The following SEMA5A variants were observed in gnomAD, a reference collection of about 807,000 sequenced individuals.
SEMA5A encodes the protein semaphorin 5A.
In SEMA5A, 55 loss-of-function variants were observed where a neutral mutation model predicts 135.5. That is an observed-to-expected ratio of 0.41 (90% CI 0.33 to 0.51). SEMA5A has a LOEUF of 0.51. Among genes scored for constraint, SEMA5A ranks in the 20% least tolerant of loss-of-function variants. SEMA5A has a pLI of 0.37. For missense variants in SEMA5A, 1,290 were observed against 1,419.9 expected (o/e 0.91, Z 1.47); for synonymous variants, 580 against 546.5 (o/e 1.06, Z -0.85).
At chr5:9,230,954 T>G (rs42495) in intron 6 of SEMA5A, among the ~76,000 whole-genome samples, 22,057 of 152,154 alleles carry the variant, frequency 0.14, 1,606 homozygotes, top group Middle Eastern at 0.27. Flanking sequence ...CCGTTCTTAC[T>G]CCCTTAAAGG....
chr5:9,473,537 C>G (rs1305371314), intron 1 of SEMA5A, among the ~76,000 whole-genome samples: 1 of 151,808 alleles, frequency 6.6e-6, no homozygotes, highest in Non-Finnish European at 1.5e-5. Context: ...AGATTTTACC[C>G]CAAAATTCAG....
chr5:9,251,382 G>A (rs771596767), intron 5 of SEMA5A, among the ~76,000 whole-genome samples: 2 of 152,184 alleles, frequency 1.3e-5, no homozygotes, highest in Admixed American at 6.5e-5. Context: ...CAACCTAGAA[G>A]AGGGAGGGCA....
At chr5:9,127,218 CA>C (rs1741164245) in intron 13 of SEMA5A, among the ~76,000 whole-genome samples, 1 of 152,170 alleles carries the variant, frequency 6.6e-6, no homozygotes, top group Non-Finnish European at 1.5e-5. Flanking sequence ...TCTAATTCTG[CA>C]AAGGCTGTTC....
chr5:9,475,047 T>A (rs1442622020), intron 1 of SEMA5A, among the ~76,000 whole-genome samples: 1 of 152,214 alleles, frequency 6.6e-6, no homozygotes, highest in Non-Finnish European at 1.5e-5. Context: ...GTTCAAGTGA[T>A]TGTCCTGCCT....
In SEMA5A at chr5:9,154,667, T is replaced by A. The variant is rs1384881700; in HGVS notation, c.1302A>T (p.Val434=). The A allele has an allele frequency of 6.2e-7, 1 of 1,613,996 alleles. No homozygotes were observed. The highest frequency in any genetic ancestry group is 8.5e-7 in the Non-Finnish European group (1 of 1,180,006). The part of the protein sequence containing the change: ...TDYGTIKKVR[V]PLNQTSSSCL... ...AGCTGCTTGAGGTCTGATTCAGGGGTACCCGCACTTTCTTAATGGTTCCGT... is the reference window on the plus strand; with the variant it reads ...AGCTGCTTGAGGTCTGATTCAGGGGAACCCGCACTTTCTTAATGGTTCCGT... Residue 434 remains valine (V), a synonymous_variant, in exon 12 of 23, where the codon GTA becomes GTT. Transcript: ENST00000382496.
At chr5:9,512,777 C>T (rs1736279529) in intron 1 of SEMA5A, among the ~76,000 whole-genome samples, 1 of 152,092 alleles carries the variant, frequency 6.6e-6, no homozygotes, top group South Asian at 2.1e-4. Flanking sequence ...CCACTGACAA[C>T]CAAATCCTTT....
chr5:9,190,788 A>G (rs1233137390), intron 10 of SEMA5A, among the ~76,000 whole-genome samples: 7 of 152,194 alleles, frequency 4.6e-5, no homozygotes, highest in Admixed American at 4.6e-4. Context: ...TTTCCCGTCG[A>G]GTTACTTGAA....
intron 11 of SEMA5A, among the ~76,000 whole-genome samples, chr5:9,176,809 A>G (rs1744232968): frequency 6.6e-6 from 1 of 152,208 alleles, no homozygotes; most frequent in African/African-American, 2.4e-5. Flanking sequence ...AGCCTGTAGC[A>G]TGTGGCACAT....
chr5:9,226,442 C>T (rs1446853148), intron 7 of SEMA5A, among the ~76,000 whole-genome samples: 2 of 151,948 alleles, frequency 1.3e-5, no homozygotes, highest in Non-Finnish European at 2.9e-5. Flanking sequence ...TTTTTACATA[C>T]TTCTTATCCA....
chr5:9,046,931 T>TCAA (rs1736292397), intron 21 of SEMA5A, among the ~76,000 whole-genome samples: 1 of 152,168 alleles, frequency 6.6e-6, no homozygotes, highest in East Asian at 1.9e-4. Context: ...CACAACCACC[T>TCAA]CAACTTTTCA....
At chr5:9,263,821 T>C (rs3797968) in intron 5 of SEMA5A, among the ~76,000 whole-genome samples, 60,816 of 152,072 alleles carry the variant, frequency 0.4, 12,319 homozygotes, top group South Asian at 0.45. Context: ...ATGGCTGAGT[T>C]TTCCCTGTGT....
chr5:9,038,143 A>G lies in SEMA5A; in HGVS notation c.*4754T>C, dbSNP rs777693755. The G allele has an allele frequency of 1.9e-4, 29 of 152,244 alleles. No individual in the cohort carries two copies. Among genetic ancestry groups the G allele is most frequent in the Admixed American group, 1.7e-3 (26 of 15,286 alleles). 9.4% of individuals were successfully genotyped at this position (152,244 alleles called of 1,614,324 possible). A position where few individuals can be genotyped will look rare whatever the true frequency, so the allele number is the denominator to read the frequency against. ...AGAAGTTAGGATGAACAAATGGGCTAGGCAAGGCCAAGGCCATCTGTAAAC... is the reference window on the plus strand; with the variant it reads ...AGAAGTTAGGATGAACAAATGGGCTGGGCAAGGCCAAGGCCATCTGTAAAC... On this transcript the variant is annotated 3_prime_UTR_variant, in exon 23 of 23. Coordinates refer to ENST00000382496, the MANE Select transcript of SEMA5A (RefSeq NM_003966.3).
chr5:9,362,888 G>C (rs1003684148), intron 3 of SEMA5A, among the ~76,000 whole-genome samples: 1 of 152,200 alleles, frequency 6.6e-6, no homozygotes, highest in Non-Finnish European at 1.5e-5. Flanking sequence ...ATGCACAAAT[G>C]AGAAACAACA....
chr5:9,122,959 T>C, intron 13 of SEMA5A, 122 bp from the exon 14 acceptor site: 2 of 970,126 alleles, frequency 2.1e-6, no homozygotes, highest in Non-Finnish European at 1.4e-6. Flanking sequence ...TTGTTGTTGC[T>C]GCAGTTAGAA....
chr5:9,393,852 T>C (rs1579467580), intron 2 of SEMA5A, among the ~76,000 whole-genome samples: 1 of 152,266 alleles, frequency 6.6e-6, no homozygotes, highest in East Asian at 1.9e-4. Context: ...AGCAGCATTG[T>C]TCATAATAGC....
At chr5:9,273,618 C>T (rs1198760700) in intron 5 of SEMA5A, among the ~76,000 whole-genome samples, 1 of 152,112 alleles carries the variant, frequency 6.6e-6, no homozygotes, top group African/African-American at 2.4e-5. Flanking sequence ...CAAAGGGAAT[C>T]CCATCAGACT....
intron 13 of SEMA5A, among the ~76,000 whole-genome samples, chr5:9,126,662 G>T (rs1741130259): frequency 6.6e-6 from 1 of 152,222 alleles, no homozygotes; most frequent in South Asian, 2.1e-4. Flanking sequence ...AGGGGTTTTT[G>T]AGGGTACTTT....
At chr5:9,160,540 C>A (rs1177814277) in intron 11 of SEMA5A, among the ~76,000 whole-genome samples, 1 of 152,098 alleles carries the variant, frequency 6.6e-6, no homozygotes, top group East Asian at 1.9e-4. Context: ...GTCACCAGAC[C>A]AACTCTCGAA....
chr5:9,203,425 G>A (rs547918349), intron 8 of SEMA5A, among the ~76,000 whole-genome samples: 2 of 152,174 alleles, frequency 1.3e-5, no homozygotes, highest in South Asian at 2.1e-4. Flanking sequence ...TTACTGGCAG[G>A]ACAACTAAAA....
Sources: gnomAD v4.1 joint callset for allele counts (sites outside exome capture counted in the v4.1 genomes callset) on GRCh38, gnomAD v4.1.1 for gene constraint, MANE v1.5 for transcripts, NCBI Gene and HGNC (gene_info 2026-07-23, HGNC 2026-07-21) for gene names.